The following SLC20A1 variants were observed in gnomAD, a reference collection of about 807,000 sequenced individuals.
SLC20A1 encodes sodium-dependent phosphate transporter 1.
SLC20A1 carries 28 observed loss-of-function variants against 62.7 expected under a neutral mutation model. That is an observed-to-expected ratio of 0.45 (90% CI 0.33 to 0.61). The LOEUF is 0.61. Ranked by LOEUF, SLC20A1 falls within the 20% of genes least tolerant of loss-of-function variation. The probability of loss-of-function intolerance (pLI) is 0.02; values close to 1 mark genes in which losing one functional copy is unlikely to be tolerated. For synonymous variants in SLC20A1, 305 were observed against 302.9 expected (o/e 1.01, Z -0.07); for missense variants, 673 against 838.6 (o/e 0.80, Z 2.44).
At chr2:112,650,056 T>C (rs1319257029) in intron 4 of SLC20A1, among the ~76,000 whole-genome samples, 3 of 152,280 alleles carry the variant, frequency 2.0e-5, no homozygotes, top group South Asian at 2.1e-4. Context: ...CACAATAAAC[T>C]ATTGGTATAG....
At position 112,650,077 on chromosome 2, in the gene SLC20A1, C is replaced by T. The variant is rs1414550487; in HGVS notation, c.561+2339C>T. On this transcript the variant is annotated intron_variant, in intron 4 of 10. Transcript: ENST00000272542. ...AAACTATTGGTATAGTAGTGTCATTCATACCCTACCCCATCCCCAACAACT... is the reference window on the plus strand; with the variant it reads ...AAACTATTGGTATAGTAGTGTCATTTATACCCTACCCCATCCCCAACAACT... Among the ~76,000 whole-genome samples the T allele has an allele frequency of 5.9e-5, 9 of 152,212 alleles. No homozygotes were observed. In the East Asian group the frequency reaches 1.7e-3, roughly 29 times the overall value.
At position 112,647,435 on chromosome 2, in the gene SLC20A1, G is replaced by C. The variant is rs1453593675; in HGVS notation, c.446G>C (p.Gly149Ala). Residue 149 changes from glycine to alanine, a missense_variant, in exon 3 of 11, where the codon GGT becomes GCT. Physicochemically the swap from Gly to Ala is moderately conservative, Grantham distance 60 (BLOSUM62 0). Coordinates refer to ENST00000272542, the MANE Select transcript of SLC20A1 (RefSeq NM_005415.5). ...GFSLVAKGQE[G>A]VKWSELIKIV... Reference sequence around the variant, plus strand: ...TCCCTCGTGGCAAAGGGGCAGGAGGGTGTCAAGTGGTCTGAACTGATAAAA... The same window carrying C: ...TCCCTCGTGGCAAAGGGGCAGGAGGCTGTCAAGTGGTCTGAACTGATAAAA... The C allele has an allele frequency of 1.2e-6, 2 of 1,614,004 alleles. No individual in the cohort carries two copies. Among genetic ancestry groups the C allele is most frequent in the Admixed American group, 1.7e-5 (1 of 59,980 alleles).
intron 1 of SLC20A1, 31 bp downstream of exon 1, chr2:112,646,160 T>G (rs1202562854): frequency 6.6e-6 from 1 of 151,854 alleles, no homozygotes; most frequent in Non-Finnish European, 1.5e-5. Flanking sequence ...GTAAAGGCTC[T>G]TTCTTCTCCC....
chr2:112,652,853 C>T (rs1182350795), intron 5 of SLC20A1, 55 bp downstream of exon 5: 4 of 1,612,424 alleles, frequency 2.5e-6, no homozygotes, highest in Admixed American at 1.7e-5. Context: ...ACAAAACTTG[C>T]ATTAAATGCC....
chr2:112,652,737 A>C lies in SLC20A1; in HGVS notation c.597A>C (p.Pro199=). 1 of 1,614,198 alleles carries C rather than the reference A, an allele frequency of 6.2e-7. No homozygotes were observed. Among genetic ancestry groups the C allele is most frequent in the Non-Finnish European group, 8.5e-7 (1 of 1,180,042 alleles). Residue 199 remains proline, a synonymous_variant, in exon 5 of 11, where the codon CCA becomes CCC. Transcript: ENST00000272542. ...TTCCTAATGGTTTGCGAGCTTTGCC[A>C]GTTTTCTATGCCTGCACAGTTGGAA... The part of the protein sequence containing the change: ...DPVPNGLRAL[P]VFYACTVGIN...
intron 7 of SLC20A1, 38 bp downstream of exon 7, chr2:112,659,132 A>C: frequency 6.2e-7 from 1 of 1,608,544 alleles, no homozygotes. Context: ...TGTTACCTGC[A>C]GTGGTGAGGA....
chr2:112,651,105 C>T (rs999749884), intron 4 of SLC20A1, among the ~76,000 whole-genome samples: 2 of 152,146 alleles, frequency 1.3e-5, no homozygotes, highest in Non-Finnish European at 2.9e-5. Flanking sequence ...TTAACATTCT[C>T]TATTAAACTA....
At chr2:112,657,521 C>T (rs753022295) in intron 6 of SLC20A1, among the ~76,000 whole-genome samples, 4 of 152,058 alleles carry the variant, frequency 2.6e-5, no homozygotes, top group Non-Finnish European at 4.4e-5. Context: ...TTTTATGTTC[C>T]TTGATCAGTT....
At chr2:112,647,852 T>A in intron 4 of SLC20A1, 114 bp downstream of exon 4, 1 of 827,814 alleles carries the variant, frequency 1.2e-6, no homozygotes, top group Non-Finnish European at 2.0e-6. Context: ...TTGGAAAATT[T>A]TAAAAAGCTC....
chr2:112,657,029 T>G (rs1574187233), intron 5 of SLC20A1, 93 bp from the exon 6 acceptor site: 2 of 1,474,342 alleles, frequency 1.4e-6, no homozygotes, highest in African/African-American at 2.8e-5. Context: ...TGGGCTGGTA[T>G]GGGGAACCCC....
intron 5 of SLC20A1, among the ~76,000 whole-genome samples, chr2:112,655,168 C>T (rs1169227053): frequency 1.3e-5 from 2 of 151,830 alleles, no homozygotes; most frequent in African/African-American, 2.4e-5. Context: ...GTGGTTTCAC[C>T]GTGTTGGTCA....
At chr2:112,657,820 A>G (rs79607943) in intron 6 of SLC20A1, among the ~76,000 whole-genome samples, 3,330 of 152,372 alleles carry the variant, frequency 0.022, 116 homozygotes, top group African/African-American at 0.077. Context: ...AGATTCTAGA[A>G]GTAAACATTT....
chr2:112,660,841 CT>C, intron 9 of SLC20A1: 1 of 384,810 alleles, frequency 2.6e-6, no homozygotes, highest in Non-Finnish European at 4.4e-6. Context: ...GTATACTTGC[CT>C]TTTATTTGTC....
At chr2:112,650,698 A>G (rs1686410760) in intron 4 of SLC20A1, among the ~76,000 whole-genome samples, 1 of 151,168 alleles carries the variant, frequency 6.6e-6, no homozygotes, top group African/African-American at 2.4e-5. Flanking sequence ...ATTGTAGCTC[A>G]CTGCAGCCTT....
At position 112,652,792 on chromosome 2, in the gene SLC20A1, G is replaced by A; in HGVS notation, c.652G>A (p.Ala218Thr). ...INLFSIMYTG[A>T]PLLGFDKLPL... Reference sequence around the variant, plus strand: ...CCTCTTTTCCATCATGTATACTGGAGCACCGTGTAAGTACCTATCAAAATA... The same window carrying A: ...CCTCTTTTCCATCATGTATACTGGAACACCGTGTAAGTACCTATCAAAATA... The change falls in exon 5 of 11, where the codon GCA (alanine) becomes ACA (threonine). Residue 218 changes from alanine (A) to threonine (T), a missense_variant. Transcript: ENST00000272542. 6.2e-7 allele frequency: 1 copy of A among 1,613,592 alleles called. No individual in the cohort carries two copies. Among genetic ancestry groups the A allele is most frequent in the Non-Finnish European group, 8.5e-7 (1 of 1,179,508 alleles).
At position 112,663,545 on chromosome 2, in the gene SLC20A1, A is replaced by G. The variant is rs535525736; in HGVS notation, c.*520A>G. The stretch of plus-strand genomic sequence containing the variant: ...CCTCCTGTCAGTAGTGGCAGGATCT[A>G]TTGGCATATTCGGGAGCTTCTTAGA... On this transcript the variant is annotated 3_prime_UTR_variant, in exon 11 of 11. Transcript: ENST00000272542. 1.0e-4 allele frequency: 19 copies of G among 186,142 alleles called. No individual in the cohort carries two copies. The highest frequency in any genetic ancestry group is 6.8e-5 in the Non-Finnish European group (6 of 88,488). The allele number at this position is 186,142 out of a possible 1,614,324, so 11.5% of individuals were successfully genotyped here.
chr2:112,659,083 G>A lies in SLC20A1; in HGVS notation c.1037G>A (p.Ser346Asn). 6.2e-7 allele frequency: 1 copy of A among 1,613,000 alleles called. No individual in the cohort carries two copies. The highest frequency in any genetic ancestry group is 1.3e-5 in the African/African-American group (1 of 75,008). ...VDLKEETSIDSTVNGAVQLPN... is the reference protein window; with the variant it reads ...VDLKEETSIDNTVNGAVQLPN... ...TTGAAAGAGGAAACCAGCATAGATA[G>A]CACCGTGAATGGTGAGTTGGAATTC... Residue 346 changes from serine (S) to asparagine (N), a missense_variant, in exon 7 of 11, where the codon AGC (serine) becomes AAC (asparagine). By Grantham distance (46) the Ser-to-Asn change is conservative. Transcript: ENST00000272542.
intron 4 of SLC20A1, 143 bp from the exon 5 acceptor site, chr2:112,652,559 A>G (rs1686471665): frequency 3.1e-6 from 2 of 640,818 alleles, no homozygotes; most frequent in African/African-American, 1.8e-5. Context: ...ATGCAAATGC[A>G]GGAAAAACTC....
In SLC20A1 at chr2:112,647,179, T is replaced by C. The variant is rs1686307016; in HGVS notation, c.334+17T>C. On this transcript the variant is annotated intron_variant, in intron 2 of 10. Transcript: ENST00000272542. ...CTATGTTTGGTAAGTTCTTTTTATGTTTTGTCCTCTTCGTGGTGGGTGAGC... is the reference window on the plus strand; with the variant it reads ...CTATGTTTGGTAAGTTCTTTTTATGCTTTGTCCTCTTCGTGGTGGGTGAGC... 2 of 1,604,428 alleles carry C rather than the reference T, an allele frequency of 1.2e-6. No individual in the cohort carries two copies. Among genetic ancestry groups the C allele is most frequent in the South Asian group, 2.2e-5 (2 of 90,666 alleles).
Sources: gnomAD v4.1 joint callset for allele counts (sites outside exome capture counted in the v4.1 genomes callset) on GRCh38, gnomAD v4.1.1 for gene constraint, MANE v1.5 for transcripts, NCBI Gene and HGNC (gene_info 2026-07-23, HGNC 2026-07-21) for gene names.